The following ZNF343 variants were observed in gnomAD, a reference collection of about 807,000 sequenced individuals.
ZNF343 encodes zinc finger protein 343.
ZNF343 carries 11 observed loss-of-function variants against 13.8 expected under a neutral mutation model. The ratio of observed to expected loss-of-function variants is 0.80; its 90% CI spans 0.50 to 1.32. ZNF343 has a LOEUF of 1.32. Among genes scored for constraint, ZNF343 ranks in the 40% most tolerant of loss-of-function variants. The pLI is 0.00. For missense variants in ZNF343, 658 were observed against 714.2 expected (o/e 0.92, Z 0.90); for synonymous variants, 248 against 260.0 (o/e 0.95, Z 0.44).
intron 1 of ZNF343, among the ~76,000 whole-genome samples, chr20:2,516,792 G>A (rs757291068): frequency 3.3e-5 from 5 of 152,160 alleles, no homozygotes; most frequent in Admixed American, 1.3e-4. Flanking sequence ...TTGGGATAAG[G>A]GTTATGATCA....
chr20:2,495,674 TTTC>T (rs1163272376), intron 2 of ZNF343: 2 of 142,066 alleles, frequency 1.4e-5, no homozygotes, highest in African/African-American at 5.2e-5. Flanking sequence ...GACTTTTTTT[TTTC>T]TTTTTTCTTT....
At position 2,489,029 on chromosome 20, in the gene ZNF343, A is replaced by G. The variant is rs557828604; in HGVS notation, c.304+3670T>C. On this transcript the variant is annotated intron_variant, in intron 5 of 5. Coordinates refer to ENST00000278772, the MANE Select transcript of ZNF343 (RefSeq NM_024325.6). ...CACTGCACTCCAGCCTGGATGACAG[A>G]CGTGAGACCCTGTCTCAAAATATAT... is the stretch of plus-strand genomic sequence containing the variant. Among the ~76,000 whole-genome samples the G allele has an allele frequency of 4.3e-4, 65 of 152,332 alleles. 1 individual carries two copies. Among genetic ancestry groups the G allele is most frequent in the Non-Finnish European group, 7.4e-4 (50 of 68,026 alleles).
At chr20:2,496,266 G>A (rs1355100019) in intron 2 of ZNF343, among the ~76,000 whole-genome samples, 1 of 152,152 alleles carries the variant, frequency 6.6e-6, no homozygotes, top group Non-Finnish European at 1.5e-5. Context: ...TGATTCATGT[G>A]GGCAACTGTG....
At position 2,484,625 on chromosome 20, in the gene ZNF343, G is replaced by A; in HGVS notation, c.336C>T (p.Ser112=). ...AEPKPEIYTC[S]SCLLAFSCQQ... ...GACAGGAGAAGGCCAGAAGGCAGGA[G>A]GAACAAGTGTAGATTTCTGGCTTTG... Residue 112 remains serine, a synonymous_variant, in exon 6 of 6, where the codon TCC becomes TCT. Coordinates refer to ENST00000278772, the MANE Select transcript of ZNF343 (RefSeq NM_024325.6). 6.2e-7 allele frequency: 1 copy of A among 1,606,924 alleles called. No homozygotes were observed. The highest frequency in any genetic ancestry group is 8.5e-7 in the Non-Finnish European group (1 of 1,176,318).
In ZNF343 at chr20:2,483,599, T is replaced by C. The variant is rs2085216435; in HGVS notation, c.1362A>G (p.Ile454Met). 2 of 1,613,466 alleles carry C rather than the reference T, an allele frequency of 1.2e-6. No homozygotes were observed. Among genetic ancestry groups the C allele is most frequent in the Non-Finnish European group, 1.7e-6 (2 of 1,179,802 alleles). ...TCTCTCCAGAGTGCGTCCGCTCGTGTATGATGAGGGTTGACTTGTCACAAA... is the reference window on the plus strand; with the variant it reads ...TCTCTCCAGAGTGCGTCCGCTCGTGCATGATGAGGGTTGACTTGTCACAAA... ...RGFCDKSTLI[I>M]HERTHSGEKP... The change falls in exon 6 of 6, where the codon ATA becomes ATG. Residue 454 changes from isoleucine to methionine, a missense_variant. Ile to Met is a conservative substitution (Grantham distance 10). Transcript: ENST00000278772.
intron 4 of ZNF343, 128 bp downstream of exon 4, chr20:2,493,391 G>A (rs2085398704): frequency 7.1e-6 from 6 of 845,110 alleles, no homozygotes; most frequent in African/African-American, 1.7e-5. Context: ...TTTCAAGAAA[G>A]CCTAATGCTT....
At chr20:2,499,379 G>C in intron 2 of ZNF343, among the ~76,000 whole-genome samples, 1 of 105,398 alleles carries the variant, frequency 9.5e-6, no homozygotes, top group Non-Finnish European at 2.1e-5. Context: ...GCAGGAGAAT[G>C]GCGTGAACCT....
chr20:2,484,158 G>C lies in ZNF343; in HGVS notation c.803C>G (p.Pro268Arg), dbSNP rs1183080545. Residue 268 changes from proline (P) to arginine (R), a missense_variant, in exon 6 of 6, where the codon CCC becomes CGC. Transcript: ENST00000278772. ...TCGCCCACAATCACTGCAAATGTAG[G>C]GCTTCTTCCCTAAGAGGGTCCTCGG... Reference protein sequence around the residue: ...TNPRTLLGKKPYICSDCGRSF... With the variant: ...TNPRTLLGKKRYICSDCGRSF... The C allele has an allele frequency of 5.0e-6, 8 of 1,614,162 alleles. No homozygotes were observed. Among genetic ancestry groups the C allele is most frequent in the Non-Finnish European group, 5.1e-6 (6 of 1,180,038 alleles).
chr20:2,491,170 A>G (rs2085360675), intron 5 of ZNF343, among the ~76,000 whole-genome samples: 1 of 152,242 alleles, frequency 6.6e-6, no homozygotes, highest in African/African-American at 2.4e-5. Context: ...ACTATCCAGT[A>G]TAGCAGCCAC....
rs1322162631 is a variant in ZNF343, at chr20:2,518,635, C to T, written c.-347+5820G>A. Reference sequence around the variant, plus strand: ...CTTACAGACACTACCTTCCAACATACCACATGCTCTCAGCCCCGTGTCCAC... The same window carrying T: ...CTTACAGACACTACCTTCCAACATATCACATGCTCTCAGCCCCGTGTCCAC... On this transcript the variant is annotated intron_variant, in intron 1 of 6. Transcript: ENST00000358413. This position sits in a 1 kb window ranked among gnomAD's most constrained non-coding sequence, Gnocchi z 4.6. Among the ~76,000 whole-genome samples the T allele has an allele frequency of 6.6e-6, 1 of 152,096 alleles. No individual in the cohort carries two copies. The highest frequency in any genetic ancestry group is 1.5e-5 in the Non-Finnish European group (1 of 68,030).
chr20:2,493,118 G>T, intron 4 of ZNF343: 1 of 481,774 alleles, frequency 2.1e-6, no homozygotes, highest in Non-Finnish European at 3.7e-6. Context: ...TTAAGACAGT[G>T]ACTTTGAGGA....
chr20:2,483,092 G>T lies in ZNF343; in HGVS notation c.*69C>A. On this transcript the variant is annotated 3_prime_UTR_variant, in exon 6 of 6. Coordinates refer to ENST00000278772, the MANE Select transcript of ZNF343 (RefSeq NM_024325.6). ...GGGTCTACTCCCCATGTGTCTCTCT[G>T]GGGTAACATGAGGCTTGACTGGTCA... The T allele has an allele frequency of 6.6e-7, 1 of 1,516,056 alleles. No individual in the cohort carries two copies. The allele number at this position is 1,516,056 out of a possible 1,614,324, so 93.9% of individuals were successfully genotyped here.
intron 2 of ZNF343, among the ~76,000 whole-genome samples, chr20:2,496,617 G>C (rs1038054830): frequency 3.3e-5 from 5 of 150,702 alleles, no homozygotes; most frequent in African/African-American, 1.2e-4. Context: ...TCCTGTAAAG[G>C]CTGTTGAAAT....
intron 1 of ZNF343, among the ~76,000 whole-genome samples, chr20:2,507,648 T>A (rs6114673): frequency 0.014 from 2,091 of 152,268 alleles, 43 homozygotes; most frequent in African/African-American, 0.048. Context: ...CCAGTAATGA[T>A]GTCAGCAATG....
At position 2,483,143 on chromosome 20, in the gene ZNF343, A is replaced by G; in HGVS notation, c.*18T>C. 1.3e-6 allele frequency: 2 copies of G among 1,588,348 alleles called. No homozygotes were observed. Among genetic ancestry groups the G allele is most frequent in the Admixed American group, 1.7e-5 (1 of 58,614 alleles). On this transcript the variant is annotated 3_prime_UTR_variant, in exon 6 of 6. Coordinates refer to ENST00000278772, the MANE Select transcript of ZNF343 (RefSeq NM_024325.6). ...CTCAGGTCTTGTTCATGACCCCTGC[A>G]TACACAGGTTTCTCCCGTCAGTGTG... is the stretch of plus-strand genomic sequence containing the variant.
intron 2 of ZNF343, among the ~76,000 whole-genome samples, chr20:2,499,237 G>A (rs1186824807): frequency 6.8e-6 from 1 of 146,436 alleles, no homozygotes; most frequent in South Asian, 2.1e-4. Flanking sequence ...AGGCCGAGGT[G>A]GGCGGATCAC....
chr20:2,501,522 G>A (rs2085566264), intron 1 of ZNF343, among the ~76,000 whole-genome samples: 1 of 152,186 alleles, frequency 6.6e-6, no homozygotes, highest in African/African-American at 2.4e-5. Flanking sequence ...TCCTCAGGTG[G>A]GTCCCTGACC....
At position 2,483,651 on chromosome 20, in the gene ZNF343, T is replaced by C. The variant is rs749043307; in HGVS notation, c.1310A>G (p.Tyr437Cys). 2.5e-6 allele frequency: 4 copies of C among 1,612,932 alleles called. No individual in the cohort carries two copies. In the East Asian group the frequency reaches 6.7e-5, roughly 27 times the overall value. ...GCCTCGCCCACACTCCCTGCAAACA[T>C]AAGGCTTCTCATCCAAGTGTGTCCT... ...HQRTHLDEKP[Y>C]VCRECGRGFC... The change falls in exon 6 of 6, where the codon TAT becomes TGT. Residue 437 changes from tyrosine to cysteine, a missense_variant. Coordinates refer to ENST00000278772, the MANE Select transcript of ZNF343 (RefSeq NM_024325.6).
At chr20:2,499,969 G>A (rs189009331) in intron 2 of ZNF343, among the ~76,000 whole-genome samples, 111 of 152,280 alleles carry the variant, frequency 7.3e-4, no homozygotes, top group African/African-American at 2.3e-3. Context: ...AATTACTGTC[G>A]ATTTTGTTGA....
Sources: allele counts gnomAD v4.1 joint callset (sites outside exome capture counted in the v4.1 genomes callset), GRCh38; gene constraint gnomAD v4.1.1; non-coding constraint Gnocchi (gnomAD v3.1); transcripts MANE v1.5; gene names NCBI Gene and HGNC (gene_info 2026-07-23, HGNC 2026-07-21).